The following BMPR1A variants were observed in gnomAD, a reference collection of about 807,000 sequenced individuals.
BMPR1A encodes the protein bone morphogenetic protein receptor type-1A.
In BMPR1A, 7 loss-of-function variants were observed where a neutral mutation model predicts 66.0. That is an observed-to-expected ratio of 0.11 (90% CI 0.06 to 0.20). The LOEUF is 0.20. Among genes scored for constraint, BMPR1A ranks in the 10% least tolerant of loss-of-function variants. The pLI is 1.00. For missense variants in BMPR1A, 408 were observed against 669.1 expected, an observed-to-expected ratio of 0.61 and a Z score of 4.31; for synonymous variants, 200 against 229.7, an observed-to-expected ratio of 0.87 and a Z score of 1.17.
intron 2 of BMPR1A, among the ~76,000 whole-genome samples, chr10:86,864,759 T>C (rs1842759180): frequency 6.6e-6 from 1 of 152,196 alleles, no homozygotes; most frequent in Non-Finnish European, 1.5e-5. Context: ...ACTTCTTTTA[T>C]TGGGACCTTG....
chr10:86,766,948 G>A (rs141596591), intron 1 of BMPR1A, among the ~76,000 whole-genome samples: 3 of 151,664 alleles, frequency 2.0e-5, no homozygotes, highest in African/African-American at 7.3e-5. Context: ...CTCAGCCTCC[G>A]GAGTAGCTCA....
At chr10:86,778,229 GC>G (rs1264612051) in intron 1 of BMPR1A, among the ~76,000 whole-genome samples, 1 of 149,164 alleles carries the variant, frequency 6.7e-6, no homozygotes, top group African/African-American at 2.5e-5. Flanking sequence ...GATTTTTTTT[GC>G]AATTTTTTTT....
intron 3 of BMPR1A, among the ~76,000 whole-genome samples, chr10:86,884,884 TAATGTTA>T (rs1444580358): frequency 1.3e-5 from 2 of 152,212 alleles, no homozygotes; most frequent in Non-Finnish European, 2.9e-5. Context: ...CAAGTTTGAT[TAATGTTA>T]ACTGATTTAT....
chr10:86,761,638 G>A (rs1841059590), intron 1 of BMPR1A, among the ~76,000 whole-genome samples: 1 of 152,176 alleles, frequency 6.6e-6, no homozygotes, highest in Non-Finnish European at 1.5e-5. Flanking sequence ...TCCTGCTCAA[G>A]GTCATCACCA....
chr10:86,891,992 AC>A (rs1654090982), intron 4 of BMPR1A, 134 bp from the exon 5 acceptor site: 2 of 707,712 alleles, frequency 2.8e-6, no homozygotes, highest in Non-Finnish European at 2.5e-6. Flanking sequence ...CCAATAAATC[AC>A]GTGTGAATGC....
At chr10:86,792,857 T>A (rs918064060) in intron 1 of BMPR1A, among the ~76,000 whole-genome samples, 1 of 152,224 alleles carries the variant, frequency 6.6e-6, no homozygotes, top group African/African-American at 2.4e-5. Flanking sequence ...ACAGTGACCT[T>A]GCTAAATTAT....
intron 2 of BMPR1A, among the ~76,000 whole-genome samples, chr10:86,865,921 C>T (rs1842780236): frequency 2.0e-5 from 3 of 152,170 alleles, no homozygotes; most frequent in African/African-American, 7.2e-5. Context: ...GGAGCTGGGA[C>T]TGAGATCCTG....
chr10:86,833,273 G>A (rs1842298805), intron 1 of BMPR1A, among the ~76,000 whole-genome samples: 1 of 152,096 alleles, frequency 6.6e-6, no homozygotes, highest in African/African-American at 2.4e-5. Flanking sequence ...GTATCTCATT[G>A]TAGTTTTAAC....
intron 7 of BMPR1A, among the ~76,000 whole-genome samples, chr10:86,900,851 T>C (rs1843298430): frequency 6.6e-6 from 1 of 152,054 alleles, no homozygotes; most frequent in African/African-American, 2.4e-5. Context: ...GGAGATGGGG[T>C]CGAGAGGAGA....
At chr10:86,817,982 T>C (rs1431911349) in intron 1 of BMPR1A, among the ~76,000 whole-genome samples, 1 of 152,208 alleles carries the variant, frequency 6.6e-6, no homozygotes, top group Non-Finnish European at 1.5e-5. Flanking sequence ...GAGTTTCCTC[T>C]AATATTTTAA....
At chr10:86,795,685 G>T (rs972229562) in intron 1 of BMPR1A, among the ~76,000 whole-genome samples, 1 of 152,110 alleles carries the variant, frequency 6.6e-6, no homozygotes, top group South Asian at 2.1e-4. Flanking sequence ...TCCTAACAGG[G>T]CCCCGAAGAG....
intron 1 of BMPR1A, among the ~76,000 whole-genome samples, chr10:86,810,069 C>G (rs1378516088): frequency 6.6e-6 from 1 of 152,018 alleles, no homozygotes; most frequent in Non-Finnish European, 1.5e-5. Context: ...CTCCCGGGTT[C>G]AAGCGATTCT....
At chr10:86,805,713 G>A (rs150069784) in intron 1 of BMPR1A, among the ~76,000 whole-genome samples, 1,867 of 151,966 alleles carry the variant, frequency 0.012, 33 homozygotes, top group African/African-American at 0.041. Flanking sequence ...CACCTGCCTC[G>A]GCCTCCCAAA....
chr10:86,760,004 A>G (rs1453096564), intron 1 of BMPR1A, among the ~76,000 whole-genome samples: 1 of 141,974 alleles, frequency 7.0e-6, no homozygotes, highest in Non-Finnish European at 1.5e-5. Flanking sequence ...CTCTAAATCA[A>G]GTTCTCATCC....
chr10:86,900,598 A>G (rs1843295758), intron 7 of BMPR1A, among the ~76,000 whole-genome samples: 1 of 152,212 alleles, frequency 6.6e-6, no homozygotes, highest in Admixed American at 6.5e-5. Flanking sequence ...CATTAATGAA[A>G]CAAGTTAGTA....
At position 86,919,360 on chromosome 10, in the gene BMPR1A, C is replaced by A; in HGVS notation, c.1057C>A (p.Gln353Lys). The change falls in exon 10 of 13, where the codon CAA (glutamine) becomes AAA (lysine). Residue 353 changes from glutamine to lysine, a missense_variant. Coordinates refer to ENST00000372037, the MANE Select transcript of BMPR1A (RefSeq NM_004329.3). ...CCTGCACACAGAAATTTATGGCACC[C>A]AAGGAAAGCCCGCAATTGCTCATCG... Reference protein sequence around the residue: ...CHLHTEIYGTQGKPAIAHRDL... With the variant: ...CHLHTEIYGTKGKPAIAHRDL... 1.2e-6 allele frequency: 2 copies of A among 1,613,186 alleles called. No homozygotes were observed. The highest frequency in any genetic ancestry group is 1.7e-6 in the Non-Finnish European group (2 of 1,179,842).
At chr10:86,834,654 T>C (rs1292692931) in intron 1 of BMPR1A, among the ~76,000 whole-genome samples, 1 of 152,194 alleles carries the variant, frequency 6.6e-6, no homozygotes, top group Non-Finnish European at 1.5e-5. Flanking sequence ...CCTCCCTTTC[T>C]AGTTAGGTGG....
In BMPR1A at chr10:86,798,888, A is replaced by G. The variant is rs189702869; in HGVS notation, c.-267-39977A>G. 2.1e-3 allele frequency among the ~76,000 whole-genome samples: 320 copies of G among 152,352 alleles called. 1 individual carries two copies. The highest frequency in any genetic ancestry group is 3.4e-3 in the Non-Finnish European group (230 of 68,026). The stretch of plus-strand genomic sequence containing the variant: ...TTGTTTTATTGCATGTGAGCTGAGC[A>G]CTGTGCCTTGTGTCAGTAGTCAGTG... On this transcript the variant is annotated intron_variant, in intron 1 of 12. Transcript: ENST00000372037.
At chr10:86,866,414 T>TTTTTTTTTTTC (rs1564707632) in intron 2 of BMPR1A, among the ~76,000 whole-genome samples, 9 of 131,268 alleles carry the variant, frequency 6.9e-5, no homozygotes, top group African/African-American at 2.6e-4. Flanking sequence ...TTTTTTTTTT[T>TTTTTTTTTTTC]TTTTTTTTTT....
Sources: allele counts gnomAD v4.1 joint callset (sites outside exome capture counted in the v4.1 genomes callset), GRCh38; gene constraint gnomAD v4.1.1; transcripts MANE v1.5; gene names NCBI Gene and HGNC (gene_info 2026-07-23, HGNC 2026-07-21).